The following PRIMA1 variants were observed in gnomAD, a reference collection of about 807,000 sequenced individuals.
The protein encoded by PRIMA1 is proline rich membrane anchor 1.
A neutral mutation model predicts 17.5 loss-of-function variants in PRIMA1; 7 were observed. The ratio of observed to expected loss-of-function variants is 0.40; its 90% CI spans 0.23 to 0.75. The LOEUF is 0.75. Ranked by LOEUF, PRIMA1 falls within the 30% of genes least tolerant of loss-of-function variation. The pLI, the probability that PRIMA1 is intolerant of heterozygous loss-of-function variation, is 0.37. For synonymous variants in PRIMA1, 97 were observed against 77.9 expected, an observed-to-expected ratio of 1.25 and a Z score of -1.29; for missense variants, 200 against 201.8, an observed-to-expected ratio of 0.99 and a Z score of 0.05.
Position 93,721,508 on chromosome 14 carries a change from G to C in PRIMA1, c.398C>G (p.Ala133Gly). ...CTGCGAAGCACTCATGGGATACTCA[G>C]CAACGCTGGTGCCATTTTCGTCTTT... ...LRKDENGTSV[A>G]EYPMSASQSN... Residue 133 changes from alanine (A) to glycine (G), a missense_variant, in exon 5 of 5, where the codon GCT becomes GGT. Ala to Gly is a moderately conservative substitution (Grantham distance 60). Coordinates refer to ENST00000393140, the MANE Select transcript of PRIMA1 (RefSeq NM_178013.4). The C allele has an allele frequency of 1.2e-6, 2 of 1,613,908 alleles. No homozygotes were observed. The highest frequency in any genetic ancestry group is 1.7e-6 in the Non-Finnish European group (2 of 1,179,912).
intron 4 of PRIMA1, among the ~76,000 whole-genome samples, chr14:93,735,133 G>T (rs1245609806): frequency 3.3e-5 from 5 of 152,206 alleles, no homozygotes; most frequent in Admixed American, 3.3e-4. Flanking sequence ...ATATTAAACA[G>T]ATTATTCATG....
chr14:93,742,989 G>A (rs1211636814), intron 3 of PRIMA1, among the ~76,000 whole-genome samples: 1 of 152,224 alleles, frequency 6.6e-6, no homozygotes, highest in Non-Finnish European at 1.5e-5. Flanking sequence ...TGGACTGACA[G>A]GAGGGAACAG....
chr14:93,764,263 G>C (rs1025913101), intron 3 of PRIMA1, among the ~76,000 whole-genome samples: 1 of 151,836 alleles, frequency 6.6e-6, no homozygotes, highest in African/African-American at 2.4e-5. Context: ...CTCTGTGGAA[G>C]CACAGCCCTT....
chr14:93,732,970 G>A lies in PRIMA1; in HGVS notation c.359+4271C>T, dbSNP rs548464646. On this transcript the variant is annotated intron_variant, in intron 4 of 4. Coordinates refer to ENST00000393140, the MANE Select transcript of PRIMA1 (RefSeq NM_178013.4). Reference sequence around the variant, plus strand: ...AGGACACCCAGGTGCCAGGCACGGGGGTACCCAGCACCCAAGGGCTCTGGG... The same window carrying A: ...AGGACACCCAGGTGCCAGGCACGGGAGTACCCAGCACCCAAGGGCTCTGGG... Among the ~76,000 whole-genome samples the A allele has an allele frequency of 7.2e-5, 11 of 152,204 alleles. No homozygotes were observed. The East Asian group carries it at 2.1e-3, about 30-fold the overall frequency.
At chr14:93,767,911 G>A (rs781258754) in intron 3 of PRIMA1, among the ~76,000 whole-genome samples, 8 of 152,206 alleles carry the variant, frequency 5.3e-5, no homozygotes, top group Admixed American at 1.3e-4. Flanking sequence ...GGAGGCAGGC[G>A]GAAGATCAGT....
At chr14:93,786,669 G>A (rs965484549) in intron 2 of PRIMA1, among the ~76,000 whole-genome samples, 4 of 152,086 alleles carry the variant, frequency 2.6e-5, no homozygotes, top group African/African-American at 9.7e-5. Flanking sequence ...CAATGAAAAT[G>A]TCCTCCAGAG....
intron 3 of PRIMA1, among the ~76,000 whole-genome samples, chr14:93,753,268 C>T (rs2076271696): frequency 6.6e-6 from 1 of 152,228 alleles, no homozygotes; most frequent in South Asian, 2.1e-4. Flanking sequence ...CCCCTGGCTA[C>T]TCAGAGGCTG....
chr14:93,753,259 C>A (rs947756099), intron 3 of PRIMA1, among the ~76,000 whole-genome samples: 1 of 152,216 alleles, frequency 6.6e-6, no homozygotes, highest in Non-Finnish European at 1.5e-5. Flanking sequence ...TCAGGATGAC[C>A]CCTGGCTACT....
At position 93,726,778 on chromosome 14, in the gene PRIMA1, C is replaced by T. The variant is rs1224490175; in HGVS notation, c.360-5232G>A. Reference sequence around the variant, plus strand: ...GCATAAATGTACAAATCCACACACACAAACAATATACACATACACACATGT... The same window carrying T: ...GCATAAATGTACAAATCCACACACATAAACAATATACACATACACACATGT... On this transcript the variant is annotated intron_variant, in intron 4 of 4. Transcript: ENST00000393140. The surrounding 1 kb of genome is among the most constrained non-coding windows in gnomAD (Gnocchi z 4.2). Among the ~76,000 whole-genome samples the T allele has an allele frequency of 6.6e-6, 1 of 152,084 alleles. No individual in the cohort carries two copies. The highest frequency in any genetic ancestry group is 1.5e-5 in the Non-Finnish European group (1 of 68,012).
chr14:93,731,677 A>G (rs753999611), intron 4 of PRIMA1, among the ~76,000 whole-genome samples: 3 of 152,042 alleles, frequency 2.0e-5, no homozygotes, highest in Admixed American at 6.5e-5. Context: ...ATAGTCTTTA[A>G]GATCACCTCA....
intron 4 of PRIMA1, among the ~76,000 whole-genome samples, chr14:93,727,760 AC>A (rs993314176): frequency 6.6e-6 from 1 of 151,516 alleles, no homozygotes; most frequent in South Asian, 2.1e-4. Context: ...AGGTCACGGA[AC>A]CCCCCTTCAC....
chr14:93,728,619 G>A (rs1484394649), intron 4 of PRIMA1, among the ~76,000 whole-genome samples: 1 of 152,140 alleles, frequency 6.6e-6, no homozygotes, highest in Non-Finnish European at 1.5e-5. Context: ...CCCTCACCCT[G>A]CCCCATGACC....
chr14:93,742,359 A>G (rs1376648373), intron 3 of PRIMA1, among the ~76,000 whole-genome samples: 1 of 152,240 alleles, frequency 6.6e-6, no homozygotes, highest in Non-Finnish European at 1.5e-5. Context: ...AGAGTGAACA[A>G]CACAGATGAG....
chr14:93,725,637 G>C (rs897813664), intron 4 of PRIMA1, among the ~76,000 whole-genome samples: 4 of 152,182 alleles, frequency 2.6e-5, no homozygotes, highest in Admixed American at 2.6e-4. Context: ...GAGCACAATA[G>C]TGGTGTCCAT....
At chr14:93,771,434 G>A (rs998496145) in intron 3 of PRIMA1, among the ~76,000 whole-genome samples, 5 of 152,166 alleles carry the variant, frequency 3.3e-5, no homozygotes, top group African/African-American at 1.2e-4. Flanking sequence ...GGCATCACAT[G>A]GAGTGTTAGA....
intron 3 of PRIMA1, among the ~76,000 whole-genome samples, chr14:93,748,286 A>G (rs2076238716): frequency 6.6e-6 from 1 of 152,082 alleles, no homozygotes; most frequent in South Asian, 2.1e-4. Flanking sequence ...TGGCCAGATG[A>G]CGAAACTGAG....
chr14:93,759,385 A>T (rs1402534072), intron 3 of PRIMA1, among the ~76,000 whole-genome samples: 1 of 151,784 alleles, frequency 6.6e-6, no homozygotes, highest in African/African-American at 2.4e-5. Context: ...GGGTGTTTCT[A>T]CCCCTGACTG....
chr14:93,744,433 A>G (rs181521952), intron 3 of PRIMA1, among the ~76,000 whole-genome samples: 24 of 152,290 alleles, frequency 1.6e-4, no homozygotes, highest in Middle Eastern at 3.4e-3. Flanking sequence ...TCCACCTCCT[A>G]TGGCGGCTGG....
At chr14:93,780,947 A>C (rs368226584) in intron 2 of PRIMA1, among the ~76,000 whole-genome samples, 3 of 152,208 alleles carry the variant, frequency 2.0e-5, no homozygotes, top group Admixed American at 2.0e-4. Flanking sequence ...GCAACTAGCC[A>C]TGTGTTGCCT....
Sources: allele counts gnomAD v4.1 joint callset (sites outside exome capture counted in the v4.1 genomes callset), GRCh38; gene constraint gnomAD v4.1.1; non-coding constraint Gnocchi (gnomAD v3.1); transcripts MANE v1.5; gene names NCBI Gene and HGNC (gene_info 2026-07-23, HGNC 2026-07-21).